FAM107B: variants seen among roughly 807,000 people sequenced by gnomAD.
FAM107B encodes family with sequence similarity 107 member B.
A neutral mutation model predicts 31.5 loss-of-function variants in FAM107B; 21 were observed. The ratio of observed to expected loss-of-function variants is 0.67; its 90% CI spans 0.47 to 0.96. The LOEUF (loss-of-function observed/expected upper bound fraction) is 0.96. FAM107B is among the 40% of genes least tolerant of loss of function. The pLI is 0.00. For synonymous variants in FAM107B, 157 were observed against 141.5 expected, an observed-to-expected ratio of 1.11 and a Z score of -0.78; for missense variants, 452 against 377.1, an observed-to-expected ratio of 1.20 and a Z score of -1.64.
chr10:14,726,303 A>G (rs1856034383), intron 1 of FAM107B, among the ~76,000 whole-genome samples: 1 of 152,150 alleles, frequency 6.6e-6, no homozygotes, highest in South Asian at 2.1e-4. Context: ...AAAAGCAGTC[A>G]AATCCGGGGA....
chr10:14,518,879 C>CT lies in FAM107B; in HGVS notation c.*2310dup, dbSNP rs1358083599. ...TGGAGCCATTTTTGTCAAAAAGTGG[C>CT]TCAAAGCACAAAACTGCTCAGATGT... On this transcript the variant is annotated 3_prime_UTR_variant, in exon 5 of 5. Transcript: ENST00000181796. 2 of 152,528 alleles carry CT rather than the reference C, an allele frequency of 1.3e-5. No individual in the cohort carries two copies. Among genetic ancestry groups the CT allele is most frequent in the Non-Finnish European group, 2.9e-5 (2 of 68,016 alleles). The allele number at this position is 152,528 out of a possible 1,614,324, so 9.4% of individuals were successfully genotyped here. A position where few individuals can be genotyped will look rare whatever the true frequency, so the allele number is the denominator to read the frequency against.
chr10:14,601,534 T>G (rs1852398351), intron 2 of FAM107B, among the ~76,000 whole-genome samples: 1 of 152,164 alleles, frequency 6.6e-6, no homozygotes, highest in African/African-American at 2.4e-5. Flanking sequence ...CTCGACCCCA[T>G]GATGCACACA....
intron 1 of FAM107B, among the ~76,000 whole-genome samples, chr10:14,758,265 A>G (rs569286249): frequency 6.6e-6 from 1 of 152,290 alleles, no homozygotes; most frequent in Non-Finnish European, 1.5e-5. Context: ...GTTTTCCTTA[A>G]GGAATTTAGA....
chr10:14,568,036 C>G (rs536550781), intron 2 of FAM107B, among the ~76,000 whole-genome samples: 214 of 152,312 alleles, frequency 1.4e-3, no homozygotes, highest in African/African-American at 5.0e-3. Flanking sequence ...AAATACTGAC[C>G]CCTGCAGCAG....
chr10:14,537,852 A>AT (rs1397580615), intron 2 of FAM107B, among the ~76,000 whole-genome samples: 6 of 151,676 alleles, frequency 4.0e-5, no homozygotes, highest in African/African-American at 1.5e-4. Context: ...AAAAAAAAAA[A>AT]ATGAAATGCA....
intron 1 of FAM107B, among the ~76,000 whole-genome samples, chr10:14,758,341 G>A (rs1832970875): frequency 6.6e-6 from 1 of 152,124 alleles, no homozygotes; most frequent in Admixed American, 6.6e-5. Context: ...CTATTTCACG[G>A]AAATACTGCC....
At chr10:14,548,024 C>T (rs2131033985) in intron 2 of FAM107B, among the ~76,000 whole-genome samples, 2 of 152,346 alleles carry the variant, frequency 1.3e-5, no homozygotes, top group Middle Eastern at 6.8e-3. Flanking sequence ...ACCTGGTGGG[C>T]TTTCTGTGAA....
chr10:14,667,697 C>T lies in FAM107B; in HGVS notation c.412-6G>A, dbSNP rs763890072. 6.4e-5 allele frequency: 103 copies of T among 1,613,930 alleles called. No individual in the cohort carries two copies. The highest frequency in any genetic ancestry group is 8.0e-5 in the African/African-American group (6 of 74,928). ...TCTTCTCGAAATTCTTCTTCCTAAG[C>T]GCCAGCCCCATAAACCAGAAAAGCA... is the stretch of plus-strand genomic sequence containing the variant. On this transcript the variant is annotated splice_region_variant and splice_polypyrimidine_tract_variant and intron_variant, in intron 1 of 4. Coordinates refer to ENST00000181796, the MANE Select transcript of FAM107B (RefSeq NM_031453.4).
chr10:14,533,121 G>A (rs1003454347), intron 2 of FAM107B, among the ~76,000 whole-genome samples: 17 of 152,260 alleles, frequency 1.1e-4, no homozygotes, highest in Non-Finnish European at 1.3e-4. Flanking sequence ...GAGTAATGAC[G>A]GTATCTGACT....
At chr10:14,730,450 A>G (rs1856147871) in intron 1 of FAM107B, among the ~76,000 whole-genome samples, 1 of 152,208 alleles carries the variant, frequency 6.6e-6, no homozygotes, top group Non-Finnish European at 1.5e-5. Context: ...GGCAATTCAC[A>G]TAGGAGCAAG....
chr10:14,755,256 T>C (rs1832905354), intron 1 of FAM107B, among the ~76,000 whole-genome samples: 1 of 151,994 alleles, frequency 6.6e-6, no homozygotes, highest in Non-Finnish European at 1.5e-5. Context: ...TCCCATTAGG[T>C]AGCAGGCCAG....
chr10:14,532,313 C>T (rs1847109883), intron 2 of FAM107B, among the ~76,000 whole-genome samples: 2 of 152,116 alleles, frequency 1.3e-5, no homozygotes, highest in South Asian at 2.1e-4. Context: ...AGCACCTCCC[C>T]GTGTTATGTT....
At chr10:14,620,240 ATG>A (rs1852973400) in intron 2 of FAM107B, among the ~76,000 whole-genome samples, 1 of 151,956 alleles carries the variant, frequency 6.6e-6, no homozygotes, top group Non-Finnish European at 1.5e-5. Context: ...GATGGTCTCG[ATG>A]TCTCGACCTC....
intron 2 of FAM107B, chr10:14,572,338 G>A: frequency 1.0e-6 from 1 of 985,404 alleles, no homozygotes; most frequent in Non-Finnish European, 1.2e-6. Context: ...CCAGCCCTGG[G>A]TGGGTACCAG....
chr10:14,724,926 A>C (rs1392129793), intron 1 of FAM107B, among the ~76,000 whole-genome samples: 3 of 152,256 alleles, frequency 2.0e-5, no homozygotes, highest in Non-Finnish European at 4.4e-5. Flanking sequence ...ATGAAGGCTC[A>C]AAAGTAAACA....
intron 2 of FAM107B, among the ~76,000 whole-genome samples, chr10:14,656,399 T>C (rs1207584497): frequency 2.6e-5 from 4 of 152,226 alleles, no homozygotes; most frequent in African/African-American, 9.6e-5. Context: ...TTTGAAAACT[T>C]TGGATTTTCT....
intron 2 of FAM107B, among the ~76,000 whole-genome samples, chr10:14,625,744 GA>G (rs926279236): frequency 9.4e-5 from 14 of 148,704 alleles, no homozygotes; most frequent in African/African-American, 1.5e-4. Flanking sequence ...TGCTTAGAAG[GA>G]AAAAAAAAGT....
chr10:14,590,396 C>A (rs538453000), intron 2 of FAM107B, among the ~76,000 whole-genome samples: 1 of 152,298 alleles, frequency 6.6e-6, no homozygotes, highest in Admixed American at 6.5e-5. Flanking sequence ...ATCCTTTTAA[C>A]AAATAGGTTT....
intron 1 of FAM107B, among the ~76,000 whole-genome samples, chr10:14,700,556 C>G (rs1247089065): frequency 6.6e-6 from 1 of 151,816 alleles, no homozygotes; most frequent in Non-Finnish European, 1.5e-5. Flanking sequence ...CAGAAATGAC[C>G]ATGAGAATGA....
Sources: gnomAD v4.1 joint callset for allele counts (sites outside exome capture counted in the v4.1 genomes callset) on GRCh38, gnomAD v4.1.1 for gene constraint, MANE v1.5 for transcripts, NCBI Gene and HGNC (gene_info 2026-07-23, HGNC 2026-07-21) for gene names.